Variants in PLXNC1 observed in about 807,000 individuals in gnomAD.
The protein encoded by PLXNC1 is plexin C1.
In PLXNC1, 75 loss-of-function variants were observed where a neutral mutation model predicts 178.2. That is an observed-to-expected ratio of 0.42 (90% confidence interval 0.35 to 0.51). The LOEUF (loss-of-function observed/expected upper bound fraction) is 0.51, where lower values mean the gene tolerates loss of function less well. Among genes scored for constraint, PLXNC1 ranks in the 20% least tolerant of loss-of-function variants. The pLI is 0.02. For missense variants in PLXNC1, 1,503 were observed against 1,984.4 expected, an observed-to-expected ratio of 0.76 and a Z score of 4.61; for synonymous variants, 790 against 779.9, an observed-to-expected ratio of 1.01 and a Z score of -0.22.
At chr12:94,179,663 C>T (rs1962231245) in intron 2 of PLXNC1, among the ~76,000 whole-genome samples, 2 of 150,006 alleles carry the variant, frequency 1.3e-5, no homozygotes, top group South Asian at 2.1e-4. Context: ...ATGGCTTGAA[C>T]CTGGGAAGCA....
chr12:94,233,204 G>A (rs1324410815), intron 9 of PLXNC1, among the ~76,000 whole-genome samples: 1 of 152,178 alleles, frequency 6.6e-6, no homozygotes, highest in African/African-American at 2.4e-5. Context: ...AGACACGGCT[G>A]GGCATCTGCT....
intron 26 of PLXNC1, among the ~76,000 whole-genome samples, chr12:94,297,767 C>T (rs1037708703): frequency 6.6e-6 from 1 of 152,134 alleles, no homozygotes; most frequent in African/African-American, 2.4e-5. Context: ...ATAAAACTCC[C>T]TTTTTGAATT....
intron 6 of PLXNC1, among the ~76,000 whole-genome samples, chr12:94,221,779 C>T (rs554181726): frequency 1.3e-5 from 2 of 152,298 alleles, no homozygotes; most frequent in East Asian, 3.9e-4. Context: ...TTGCTGTATT[C>T]TCACATACAG....
intron 23 of PLXNC1, among the ~76,000 whole-genome samples, chr12:94,283,775 C>T (rs183874993): frequency 1.1e-4 from 17 of 152,226 alleles, no homozygotes; most frequent in Non-Finnish European, 2.4e-4. Context: ...TGGGTGGTAC[C>T]AGCTGATCCA....
chr12:94,213,409 A>T (rs1341516234), intron 5 of PLXNC1, among the ~76,000 whole-genome samples: 1 of 152,216 alleles, frequency 6.6e-6, no homozygotes, highest in East Asian at 1.9e-4. Context: ...ACCAGTGATG[A>T]TGAGCATTTT....
In PLXNC1 at chr12:94,298,713, T is replaced by C; in HGVS notation, c.4156T>C (p.Tyr1386His). Residue 1386 changes from tyrosine to histidine, a missense_variant, in exon 27 of 31, where the codon TAC (tyrosine) becomes CAC (histidine). By Grantham distance (83) the Tyr-to-His change is moderately conservative (BLOSUM62 2). Transcript: ENST00000258526. ...CAGCAGAGCTCCATTTGCTATAAAA[T>C]ACTTTTTTGACTTTTTGGACGCCCA... Reference protein sequence around the residue: ...PNSRAPFAIKYFFDFLDAQAE... With the variant: ...PNSRAPFAIKHFFDFLDAQAE... 6.2e-7 allele frequency: 1 copy of C among 1,613,306 alleles called. No individual in the cohort carries two copies. The highest frequency in any genetic ancestry group is 8.5e-7 in the Non-Finnish European group (1 of 1,179,796).
At chr12:94,254,051 C>T (rs10777587) in intron 15 of PLXNC1, among the ~76,000 whole-genome samples, 85,484 of 151,962 alleles carry the variant, frequency 0.56, 24,198 homozygotes, top group Admixed American at 0.59. Context: ...CTTTTTTAAA[C>T]AATACATTCT....
At chr12:94,244,804 G>A (rs369709957) in intron 12 of PLXNC1, among the ~76,000 whole-genome samples, 3 of 152,208 alleles carry the variant, frequency 2.0e-5, no homozygotes, top group African/African-American at 4.8e-5. Context: ...GGCTGGACAC[G>A]GCTGCTCTAG....
chr12:94,307,451 C>G lies in PLXNC1; in HGVS notation c.*2166C>G, dbSNP rs969939037. The G allele has an allele frequency of 6.6e-6, 1 of 152,152 alleles. No homozygotes were observed. The highest frequency in any genetic ancestry group is 6.5e-5 in the Admixed American group (1 of 15,270). The allele number at this position is 152,152 out of a possible 1,614,324, so 9.4% of individuals were successfully genotyped here. A position where few individuals can be genotyped will look rare whatever the true frequency, so the allele number is the denominator to read the frequency against. The stretch of plus-strand genomic sequence containing the variant: ...AGCAACCAGAGCAACAAATGGCAAA[C>G]AATTTCTATTTTCAAGTTTCTTTGC... On this transcript the variant is annotated 3_prime_UTR_variant, in exon 31 of 31. Coordinates refer to ENST00000258526, the MANE Select transcript of PLXNC1 (RefSeq NM_005761.3).
intron 15 of PLXNC1, among the ~76,000 whole-genome samples, chr12:94,252,121 G>A (rs895128914): frequency 6.6e-6 from 1 of 152,150 alleles, no homozygotes; most frequent in Non-Finnish European, 1.5e-5. Flanking sequence ...CCTTCAAATT[G>A]TGGTGACAAA....
intron 15 of PLXNC1, among the ~76,000 whole-genome samples, chr12:94,252,874 A>G (rs183953630): frequency 4.6e-4 from 70 of 152,186 alleles, no homozygotes; most frequent in Middle Eastern, 3.4e-3. Flanking sequence ...TTTGAAGTCT[A>G]TTTTCTCTCA....
chr12:94,228,145 G>A (rs1474293247), intron 9 of PLXNC1, among the ~76,000 whole-genome samples: 2 of 152,202 alleles, frequency 1.3e-5, no homozygotes, highest in Non-Finnish European at 2.9e-5. Flanking sequence ...AGTAACTTCA[G>A]GTGAATTAAC....
chr12:94,275,370 G>A (rs1213223494), intron 21 of PLXNC1, among the ~76,000 whole-genome samples: 3 of 152,190 alleles, frequency 2.0e-5, no homozygotes, highest in Non-Finnish European at 2.9e-5. Context: ...GAGAGATGGC[G>A]CTTCCATCGA....
rs3060881 is a variant in PLXNC1 at position 94,274,155 on chromosome 12, T to TAAAAAAAAAA, written c.3598-5294_3598-5285dup. 3.1e-4 allele frequency among the ~76,000 whole-genome samples: 14 copies of TAAAAAAAAAA among 45,368 alleles called. 2 individuals are homozygous for TAAAAAAAAAA. The highest frequency in any genetic ancestry group is 1.4e-3 in the African/African-American group (12 of 8,470). The allele number at this position is 45,368 out of a possible 152,430, so 29.8% of individuals were successfully genotyped here. Reference sequence around the variant, plus strand: ...GGGCAACACAGCAAGACCCTGTCTCTAAAAAAAAAAAAAAAAAAAAAAAAA... The same window carrying TAAAAAAAAAA: ...GGGCAACACAGCAAGACCCTGTCTCTAAAAAAAAAAAAAAAAAAAAAAAAAAAAAAAAAAA... On this transcript the variant is annotated intron_variant, in intron 21 of 30. Coordinates refer to ENST00000258526, the MANE Select transcript of PLXNC1 (RefSeq NM_005761.3).
intron 4 of PLXNC1, among the ~76,000 whole-genome samples, chr12:94,202,047 C>G (rs145753579): frequency 6.6e-6 from 1 of 152,098 alleles, no homozygotes; most frequent in Admixed American, 6.6e-5. Flanking sequence ...GCATAAGCCA[C>G]TAGCACTGGC....
chr12:94,305,126 A>G, intron 30 of PLXNC1, 55 bp from the exon 31 acceptor site: 1 of 1,143,354 alleles, frequency 8.7e-7, no homozygotes. Flanking sequence ...TGCAAAAAAC[A>G]GAATTGTAAC....
Position 94,149,590 on chromosome 12 carries a change from C to A in PLXNC1, c.619C>A (p.Leu207Ile). Residue 207 changes from leucine to isoleucine, a missense_variant, in exon 1 of 31, where the codon CTC becomes ATC. Physicochemically the swap from Leu to Ile is conservative, Grantham distance 5. Around this residue, in one of 4 missense-constraint regions of PLXNC1, gnomAD observed 615 missense variants for 698.6 expected, o/e 0.88. Coordinates refer to ENST00000258526, the MANE Select transcript of PLXNC1 (RefSeq NM_005761.3). ...AASDHDTAIA[L>I]KDTEGRSLAT... ...ATCCGACCACGACACGGCCATCGCG[C>A]TCAAGGACACGGAGGGGCGCAGCCT... The A allele has an allele frequency of 6.4e-7, 1 of 1,573,590 alleles. No individual in the cohort carries two copies. The highest frequency in any genetic ancestry group is 2.3e-5 in the East Asian group (1 of 42,748).
rs1381836856 is a variant in PLXNC1, at chr12:94,297,402, G to C, written c.4053G>C (p.Leu1351=). The C allele has an allele frequency of 3.1e-6, 5 of 1,613,194 alleles. No homozygotes were observed. The East Asian group carries it at 1.1e-4, about 36-fold the overall frequency. The change falls in exon 26 of 31, where the codon CTG becomes CTC. Residue 1351 remains leucine, a synonymous_variant. Coordinates refer to ENST00000258526, the MANE Select transcript of PLXNC1 (RefSeq NM_005761.3). ...KHKFKVKEMY[L]TKLLSTKVAI... ...AGTTCAAAGTAAAAGAAATGTATCT[G>C]ACAAAGCTGCTGTCGACCAAGGTAC...
chr12:94,181,954 G>A (rs1304364673), intron 3 of PLXNC1, among the ~76,000 whole-genome samples: 1 of 151,876 alleles, frequency 6.6e-6, no homozygotes, highest in African/African-American at 2.4e-5. Context: ...TGGAATTTGG[G>A]GTTAATATCA....
Sources: allele counts gnomAD v4.1 joint callset (sites outside exome capture counted in the v4.1 genomes callset), GRCh38; gene constraint gnomAD v4.1.1; regional missense constraint gnomAD v4.1.1; transcripts MANE v1.5; gene names NCBI Gene and HGNC (gene_info 2026-07-23, HGNC 2026-07-21).